AMPH: variants seen among roughly 807,000 people sequenced by gnomAD.
AMPH encodes amphiphysin (Stiff-Mann syndrome with breast cancer 128kD autoantigen).
In AMPH, 49 loss-of-function variants were observed where a neutral mutation model predicts 99.1. That is an observed-to-expected ratio of 0.49 (90% CI 0.39 to 0.63). The LOEUF (loss-of-function observed/expected upper bound fraction) is 0.63. Among genes scored for constraint, AMPH ranks in the 20% least tolerant of loss-of-function variants. The probability of loss-of-function intolerance (pLI) is 0.00; values close to 1 mark genes in which losing one functional copy is unlikely to be tolerated. For missense variants in AMPH, 759 were observed against 863.4 expected (o/e 0.88, Z 1.52); for synonymous variants, 314 against 317.3 (o/e 0.99, Z 0.11).
In AMPH at chr7:38,598,620, C is replaced by T. The variant is rs192400303; in HGVS notation, c.69+32663G>A. Among the ~76,000 whole-genome samples the T allele has an allele frequency of 4.6e-3, 693 of 152,184 alleles. 6 individuals are homozygous for T. The highest frequency in any genetic ancestry group is 0.016 in the African/African-American group (650 of 41,524). On this transcript the variant is annotated intron_variant, in intron 1 of 20. Transcript: ENST00000356264. ...TTAATATCTTACAACACAAGGTCTA[C>T]TTCCTTTCACCAAAATTTTCCAATT...
chr7:38,415,504 A>G (rs1418548509), intron 17 of AMPH, among the ~76,000 whole-genome samples: 1 of 152,224 alleles, frequency 6.6e-6, no homozygotes, highest in Non-Finnish European at 1.5e-5. Context: ...CTTTCTCCAG[A>G]GAAATATAAC....
chr7:38,476,664 C>T (rs1788095637), intron 6 of AMPH, among the ~76,000 whole-genome samples, 198 bp downstream of exon 6: 1 of 152,154 alleles, frequency 6.6e-6, no homozygotes, highest in African/African-American at 2.4e-5. Context: ...ATGTGTGAGT[C>T]AGTATCCCCC....
chr7:38,422,586 CTAT>C, intron 15 of AMPH, 109 bp from the exon 16 acceptor site: 2 of 787,058 alleles, frequency 2.5e-6, no homozygotes, highest in South Asian at 1.7e-5. Context: ...ATCTATCTAT[CTAT>C]CTATCTATCT....
chr7:38,523,428 C>G (rs1036462036), intron 2 of AMPH, among the ~76,000 whole-genome samples: 2 of 152,096 alleles, frequency 1.3e-5, no homozygotes, highest in African/African-American at 2.4e-5. Flanking sequence ...GAAAGCACAA[C>G]AAGATCCTGA....
chr7:38,579,083 G>A (rs1227808610), intron 1 of AMPH, among the ~76,000 whole-genome samples: 1 of 152,160 alleles, frequency 6.6e-6, no homozygotes, highest in Non-Finnish European at 1.5e-5. Context: ...AAAGGGTCTT[G>A]GGCTGCCCCA....
Position 38,610,377 on chromosome 7 carries a change from G to GAAAA in AMPH, c.69+20905_69+20906insTTTT, listed in dbSNP as rs1491509609. On this transcript the variant is annotated intron_variant, in intron 1 of 20. Coordinates refer to ENST00000356264, the MANE Select transcript of AMPH (RefSeq NM_001635.4). ...AGAAAAGAAAAGAAAAGAAAAGAAA[G>GAAAA]GAAAGGAAAAGAAAAGAAAAGAAAA... 3.7e-4 allele frequency among the ~76,000 whole-genome samples: 9 copies of GAAAA among 24,196 alleles called. 2 individuals carry two copies. Among genetic ancestry groups the GAAAA allele is most frequent in the East Asian group, 1.6e-3 (5 of 3,056 alleles). The allele number at this position is 24,196 out of a possible 152,430, so 15.9% of individuals were successfully genotyped here.
intron 17 of AMPH, among the ~76,000 whole-genome samples, chr7:38,407,292 T>TAG (rs1326150305): frequency 5.9e-5 from 7 of 118,116 alleles, no homozygotes; most frequent in South Asian, 3.3e-4. Flanking sequence ...TCTATCTATA[T>TAG]AGAGAGAGAG....
intron 1 of AMPH, among the ~76,000 whole-genome samples, chr7:38,605,448 G>A (rs1793400358): frequency 6.6e-6 from 1 of 152,166 alleles, no homozygotes; most frequent in Non-Finnish European, 1.5e-5. Context: ...TAAGGCTTTT[G>A]TGGAGGTCAC....
chr7:38,592,291 G>A (rs934349724), intron 1 of AMPH, among the ~76,000 whole-genome samples: 3 of 152,162 alleles, frequency 2.0e-5, no homozygotes, highest in Non-Finnish European at 4.4e-5. Context: ...TTTGTTTATG[G>A]CCAGTTTTGG....
chr7:38,539,368 G>A (rs868274790), intron 1 of AMPH, among the ~76,000 whole-genome samples: 1 of 152,124 alleles, frequency 6.6e-6, no homozygotes, highest in African/African-American at 2.4e-5. Context: ...AGAACTTGGG[G>A]GCATGAAGAA....
At chr7:38,423,135 T>A (rs1323483090) in intron 15 of AMPH, among the ~76,000 whole-genome samples, 1 of 152,208 alleles carries the variant, frequency 6.6e-6, no homozygotes, top group South Asian at 2.1e-4. Context: ...AAGTTAGTGG[T>A]TGAAGCTCCA....
chr7:38,390,177 C>T (rs1177224178), intron 19 of AMPH, among the ~76,000 whole-genome samples: 1 of 152,136 alleles, frequency 6.6e-6, no homozygotes, highest in Non-Finnish European at 1.5e-5. Context: ...TAGAGATTTG[C>T]ATTTTATTAT....
At chr7:38,576,948 A>G (rs571731726) in intron 1 of AMPH, among the ~76,000 whole-genome samples, 1 of 152,308 alleles carries the variant, frequency 6.6e-6, no homozygotes, top group African/African-American at 2.4e-5. Flanking sequence ...ACCAAATGAA[A>G]TAATACATCT....
intron 12 of AMPH, among the ~76,000 whole-genome samples, chr7:38,435,170 C>A (rs1443964982): frequency 6.6e-6 from 1 of 152,198 alleles, no homozygotes; most frequent in Non-Finnish European, 1.5e-5. Context: ...AAAGCATCTT[C>A]AAGGCTAGTG....
At chr7:38,610,097 G>A (rs1202311562) in intron 1 of AMPH, among the ~76,000 whole-genome samples, 1 of 150,798 alleles carries the variant, frequency 6.6e-6, no homozygotes, top group African/African-American at 2.4e-5. Context: ...CTAGCTGGAT[G>A]TGGTGGCGCA....
At chr7:38,630,988 C>A (rs1006801627) in intron 1 of AMPH, among the ~76,000 whole-genome samples, 1 of 152,162 alleles carries the variant, frequency 6.6e-6, no homozygotes, top group Non-Finnish European at 1.5e-5. Context: ...TGGCTTGGGG[C>A]CAGGAGAGCG....
intron 1 of AMPH, among the ~76,000 whole-genome samples, chr7:38,595,021 A>G (rs1793001384): frequency 6.6e-6 from 1 of 152,202 alleles, no homozygotes; most frequent in Admixed American, 6.5e-5. Context: ...AAGAACACAA[A>G]CAGCCTTTGC....
At chr7:38,403,950 C>A (rs1784913205) in intron 17 of AMPH, among the ~76,000 whole-genome samples, 1 of 152,190 alleles carries the variant, frequency 6.6e-6, no homozygotes. Flanking sequence ...CAGAGCCCAT[C>A]TTCCCCTCCC....
intron 11 of AMPH, among the ~76,000 whole-genome samples, chr7:38,456,111 G>A (rs1402944003): frequency 6.6e-6 from 1 of 152,204 alleles, no homozygotes; most frequent in East Asian, 1.9e-4. Flanking sequence ...GGCCAAGGCT[G>A]ATGCTACTGC....
Sources: gnomAD v4.1 joint callset for allele counts (sites outside exome capture counted in the v4.1 genomes callset) on GRCh38, gnomAD v4.1.1 for gene constraint, MANE v1.5 for transcripts, NCBI Gene and HGNC (gene_info 2026-07-23, HGNC 2026-07-21) for gene names.